Variants in HNRNPR observed in about 807,000 individuals in gnomAD.
HNRNPR encodes the protein heterogeneous nuclear ribonucleoprotein R.
Under a neutral mutation model 70.3 loss-of-function variants are expected in HNRNPR, and 4 were observed. That is an observed-to-expected ratio of 0.06 (90% CI 0.03 to 0.13). The LOEUF (loss-of-function observed/expected upper bound fraction) is 0.13, where lower values mean the gene tolerates loss of function less well. HNRNPR is among the 10% of genes least tolerant of loss of function. HNRNPR has a pLI of 1.00. For synonymous variants in HNRNPR, 241 were observed against 267.6 expected (o/e 0.90, Z 0.97); for missense variants, 423 against 788.5 (o/e 0.54, Z 5.55).
In HNRNPR at chr1:23,311,224, A is replaced by G; in HGVS notation, c.1266T>C (p.Ala422=). 6.2e-7 allele frequency: 1 copy of G among 1,613,806 alleles called. No individual in the cohort carries two copies. The highest frequency in any genetic ancestry group is 1.1e-5 in the South Asian group (1 of 91,072). The change falls in exon 10 of 11, where the codon GCT becomes GCC. Residue 422 remains alanine, a synonymous_variant. Transcript: ENST00000302271. ...PDKKRKERQA[A]RQASRSTAYE... is the part of the protein sequence containing the mutation. ...ACGCAGTGCTTCTGGAGGCCTGTCT[A>G]GCAGCTTGGCGCTCTTTCCTTTTCT...
At chr1:23,328,557 T>C (rs1646090585) in intron 5 of HNRNPR, among the ~76,000 whole-genome samples, 1 of 152,220 alleles carries the variant, frequency 6.6e-6, no homozygotes, top group South Asian at 2.1e-4. Flanking sequence ...CGGAGTGCAG[T>C]GGCGCCATCT....
At chr1:23,320,388 A>G (rs917785515) in intron 7 of HNRNPR, among the ~76,000 whole-genome samples, 13 of 152,190 alleles carry the variant, frequency 8.5e-5, no homozygotes, top group Admixed American at 3.3e-4. Flanking sequence ...TAATCTGGAT[A>G]TGGTGGAGCT....
At chr1:23,338,300 G>T (rs957382808) in intron 3 of HNRNPR, 190 bp downstream of exon 3, 5 of 402,940 alleles carry the variant, frequency 1.2e-5, no homozygotes, top group Non-Finnish European at 2.2e-5. Context: ...CAAGGGGGTG[G>T]GAGAAAACTT....
chr1:23,339,417 C>T (rs117831601), intron 2 of HNRNPR, among the ~76,000 whole-genome samples: 2 of 152,298 alleles, frequency 1.3e-5, no homozygotes, highest in East Asian at 3.9e-4. Flanking sequence ...ATATACACTG[C>T]ATTTCATATA....
At chr1:23,334,966 G>A (rs1406276868) in intron 4 of HNRNPR, among the ~76,000 whole-genome samples, 4 of 151,668 alleles carry the variant, frequency 2.6e-5, no homozygotes, top group Non-Finnish European at 5.9e-5. Flanking sequence ...CGCTCAGGCT[G>A]GAGTGCAGTG....
Position 23,339,202 on chromosome 1 carries a change from G to A in HNRNPR, c.158-594C>T, listed in dbSNP as rs181872369. On this transcript the variant is annotated intron_variant, in intron 2 of 10. Coordinates refer to ENST00000302271, the MANE Select transcript of HNRNPR (RefSeq NM_005826.5). Reference sequence around the variant, plus strand: ...CTTTGCTGCAGTCAGAATGTGGAAAGGCATAATTTTAAACTTCTACAAATG... The same window carrying A: ...CTTTGCTGCAGTCAGAATGTGGAAAAGCATAATTTTAAACTTCTACAAATG... 2.4e-3 allele frequency among the ~76,000 whole-genome samples: 373 copies of A among 152,324 alleles called. 3 individuals carry two copies. Among genetic ancestry groups the A allele is most frequent in the South Asian group, 0.014 (68 of 4,830 alleles).
At chr1:23,320,618 T>C (rs1045702682) in intron 7 of HNRNPR, among the ~76,000 whole-genome samples, 4 of 152,098 alleles carry the variant, frequency 2.6e-5, no homozygotes, top group African/African-American at 4.8e-5. Context: ...GTCTGGATGA[T>C]AAAAATGTAA....
intron 8 of HNRNPR, among the ~76,000 whole-genome samples, chr1:23,317,602 A>G (rs1243934268): frequency 1.3e-5 from 2 of 152,204 alleles, no homozygotes; most frequent in Non-Finnish European, 2.9e-5. Flanking sequence ...AGGACTTGCC[A>G]TGCATATTTT....
chr1:23,322,337 G>A (rs1420521237), intron 6 of HNRNPR, among the ~76,000 whole-genome samples: 1 of 152,038 alleles, frequency 6.6e-6, no homozygotes, highest in South Asian at 2.1e-4. Context: ...CTGGGTTGAA[G>A]TGATTCTCCT....
rs1451450921 is a variant in HNRNPR, at chr1:23,310,753, G to A, written c.1603C>T (p.Pro535Ser). Residue 535 changes from proline to serine, a missense_variant, in exon 11 of 11, where the codon CCT becomes TCT. Transcript: ENST00000302271. The surrounding 1 kb of genome is among the most constrained non-coding windows in gnomAD (Gnocchi z 6.0). ...GRAGYSQRGA[P>S]LGPPRGSRGG... ...CTAGAGCCTCTTGGTGGTCCCAAAG[G>A]TGCCCCCCTCTGTGAATAGCCAGCT... The A allele has an allele frequency of 6.2e-7, 1 of 1,613,408 alleles. No individual in the cohort carries two copies. Among genetic ancestry groups the A allele is most frequent in the Admixed American group, 1.7e-5 (1 of 59,958 alleles).
At chr1:23,321,475 A>G in intron 7 of HNRNPR, 53 bp downstream of exon 7, 1 of 1,497,648 alleles carries the variant, frequency 6.7e-7, no homozygotes, top group Non-Finnish European at 9.2e-7. Flanking sequence ...GAGCACTTGT[A>G]AGTAGTACAA....
chr1:23,329,138 A>G (rs1403989692), intron 5 of HNRNPR, among the ~76,000 whole-genome samples: 2 of 152,128 alleles, frequency 1.3e-5, no homozygotes, highest in Non-Finnish European at 2.9e-5. Context: ...ATAAATATAG[A>G]AGAAACATCA....
At chr1:23,344,107 G>A (rs1475365992) in intron 1 of HNRNPR, 104 bp downstream of exon 1, 7 of 151,868 alleles carry the variant, frequency 4.6e-5, no homozygotes, top group Non-Finnish European at 1.0e-4. Flanking sequence ...CCCACCCCGG[G>A]GCCTCGGAGC....
At chr1:23,324,497 G>A (rs1187448673) in intron 5 of HNRNPR, among the ~76,000 whole-genome samples, 1 of 152,074 alleles carries the variant, frequency 6.6e-6, no homozygotes, top group African/African-American at 2.4e-5. Flanking sequence ...GAGCCCGGGA[G>A]GTGGAGCTTG....
chr1:23,322,810 A>T (rs1645810031), intron 6 of HNRNPR, among the ~76,000 whole-genome samples: 1 of 152,238 alleles, frequency 6.6e-6, no homozygotes, highest in Non-Finnish European at 1.5e-5. Flanking sequence ...GAAGTCAGGC[A>T]AGGGTATGCC....
chr1:23,320,507 G>A (rs979384662), intron 7 of HNRNPR, among the ~76,000 whole-genome samples: 4 of 152,168 alleles, frequency 2.6e-5, no homozygotes, highest in African/African-American at 9.7e-5. Flanking sequence ...CCAATTTAGG[G>A]CAGAAGAGGA....
intron 2 of HNRNPR, 38 bp downstream of exon 2, chr1:23,340,814 T>C: frequency 1.3e-6 from 2 of 1,545,762 alleles, no homozygotes; most frequent in Non-Finnish European, 1.8e-6. Context: ...TTGCCCTCAC[T>C]TTCATAACCA....
intron 5 of HNRNPR, among the ~76,000 whole-genome samples, chr1:23,325,638 C>G (rs1055170965): frequency 1.3e-5 from 2 of 152,094 alleles, no homozygotes; most frequent in Admixed American, 6.5e-5. Flanking sequence ...AGAGATCTAC[C>G]TCCTTTCTAA....
chr1:23,342,794 T>A (rs1010008461), intron 1 of HNRNPR, among the ~76,000 whole-genome samples: 1 of 152,190 alleles, frequency 6.6e-6, no homozygotes, highest in African/African-American at 2.4e-5. Context: ...AAAAGTTCAA[T>A]GAACATCTGT....
Sources: gnomAD v4.1 joint callset for allele counts (sites outside exome capture counted in the v4.1 genomes callset) on GRCh38, gnomAD v4.1.1 for gene constraint, Gnocchi (gnomAD v3.1) non-coding constraint, MANE v1.5 for transcripts, NCBI Gene and HGNC (gene_info 2026-07-23, HGNC 2026-07-21) for gene names.